The following RALGPS2 variants were observed in gnomAD, a reference collection of about 807,000 sequenced individuals.
The protein encoded by RALGPS2 is Ral GEF with PH domain and SH3 binding motif 2.
Under a neutral mutation model 86.8 loss-of-function variants are expected in RALGPS2, and 43 were observed. The observed-to-expected ratio is 0.50, with a 90% CI of 0.39 to 0.64. The LOEUF (loss-of-function observed/expected upper bound fraction) is 0.64, where lower values mean the gene tolerates loss of function less well. Ranked by LOEUF, RALGPS2 falls within the 30% of genes least tolerant of loss-of-function variation. The probability of loss-of-function intolerance (pLI) is 0.00; values close to 1 mark genes in which losing one functional copy is unlikely to be tolerated. For synonymous variants in RALGPS2, 243 were observed against 231.3 expected, an observed-to-expected ratio of 1.05 and a Z score of -0.46; for missense variants, 536 against 694.6, an observed-to-expected ratio of 0.77 and a Z score of 2.57.
At chr1:178,739,434 C>T (rs534029011) in intron 1 of RALGPS2, among the ~76,000 whole-genome samples, 1 of 152,206 alleles carries the variant, frequency 6.6e-6, no homozygotes, top group African/African-American at 2.4e-5. Flanking sequence ...GAAGAAGAGG[C>T]TCAGTGAGGA....
At position 178,776,796 on chromosome 1, in the gene RALGPS2, T is replaced by A; in HGVS notation, c.32T>A (p.Val11Asp). The A allele has an allele frequency of 6.2e-7, 1 of 1,613,160 alleles. No homozygotes were observed. ...CTAATGAACGGGCAGGCAAGCAGTG[T>A]CAATATTGCAGCTACTGCTTCTGAG... MDLMNGQASS[V>D]NIAATASEKS... The change falls in exon 2 of 20, where the codon GTC (valine) becomes GAC (aspartate). Residue 11 changes from valine (V) to aspartate (D), a missense_variant. By Grantham distance (152) the Val-to-Asp change is radical (BLOSUM62 -3). This residue lies in a region of RALGPS2 where 43 missense variants were observed against 34.9 expected (regional missense o/e 1.23). Transcript: ENST00000367635.
intron 4 of RALGPS2, among the ~76,000 whole-genome samples, chr1:178,806,086 A>G (rs1267048476): frequency 1.3e-5 from 2 of 150,928 alleles, no homozygotes; most frequent in African/African-American, 4.9e-5. Context: ...CCCAATATAT[A>G]TATATTTTTT....
chr1:178,786,432 A>T (rs916460778), intron 4 of RALGPS2, among the ~76,000 whole-genome samples: 5 of 152,140 alleles, frequency 3.3e-5, no homozygotes, highest in Admixed American at 1.3e-4. Flanking sequence ...AGAGGAGAGA[A>T]AGGATCAAGA....
intron 1 of RALGPS2, among the ~76,000 whole-genome samples, chr1:178,746,237 C>T (rs940085526): frequency 1.3e-5 from 2 of 152,158 alleles, no homozygotes; most frequent in Admixed American, 6.5e-5. Flanking sequence ...GAACTCTCAA[C>T]ACCAACAATC....
intron 4 of RALGPS2, among the ~76,000 whole-genome samples, chr1:178,790,306 C>G (rs1653890876): frequency 6.6e-6 from 1 of 151,846 alleles, no homozygotes; most frequent in Admixed American, 6.6e-5. Context: ...TTAAATCTGG[C>G]CAGTATAAAA....
chr1:178,855,561 G>T (rs1343505894), intron 8 of RALGPS2, among the ~76,000 whole-genome samples: 1 of 151,824 alleles, frequency 6.6e-6, no homozygotes, highest in Non-Finnish European at 1.5e-5. Context: ...CTTATTTATG[G>T]TGTCTTTCCT....
intron 8 of RALGPS2, among the ~76,000 whole-genome samples, chr1:178,859,534 G>T (rs1657820657): frequency 2.0e-5 from 3 of 147,822 alleles, no homozygotes; most frequent in Non-Finnish European, 3.0e-5. Flanking sequence ...CTCCCAAGTA[G>T]CTGGGATTAC....
chr1:178,872,328 G>A (rs1168365600), intron 8 of RALGPS2, among the ~76,000 whole-genome samples: 2 of 151,990 alleles, frequency 1.3e-5, no homozygotes, highest in Non-Finnish European at 2.9e-5. Context: ...CAAACACAAG[G>A]GCCTAGAAAG....
At position 178,853,448 on chromosome 1, in the gene RALGPS2, AT is replaced by A. The variant is rs545411847; in HGVS notation, c.607+19905del. Reference sequence around the variant, plus strand: ...GACTTTAAAACCAGAGATGAGAATCATTTTTTTGACAGATGTAGATAATGAA... The same window carrying A: ...GACTTTAAAACCAGAGATGAGAATCATTTTTTGACAGATGTAGATAATGAA... On this transcript the variant is annotated intron_variant, in intron 8 of 19. Transcript: ENST00000367635. The A allele has an allele frequency of 1.7e-3, 1,318 of 765,760 alleles. 18 individuals carry two copies. In the African/African-American group the frequency reaches 0.022, roughly 13 times the overall value. The allele number at this position is 765,760 out of a possible 1,614,324, so 47.4% of individuals were successfully genotyped here.
At chr1:178,908,118 G>C (rs554545370) in intron 19 of RALGPS2, among the ~76,000 whole-genome samples, 1 of 151,998 alleles carries the variant, frequency 6.6e-6, no homozygotes, top group African/African-American at 2.4e-5. Context: ...GCTCAGTGTC[G>C]ATTGTTCCCA....
At chr1:178,767,154 A>G (rs537380002) in intron 1 of RALGPS2, among the ~76,000 whole-genome samples, 34 of 152,242 alleles carry the variant, frequency 2.2e-4, no homozygotes, top group Admixed American at 1.2e-3. Flanking sequence ...GGCTTTGACT[A>G]TTTCCTGAAT....
At position 178,918,279 on chromosome 1, in the gene RALGPS2, C is replaced by T. The variant is rs983851951; in HGVS notation, c.*1920C>T. ...TACTACGTAGACCTTGCACATCTTA[C>T]TTTTGTTTTGCATTTTTAAAAATTT... On this transcript the variant is annotated 3_prime_UTR_variant, in exon 20 of 20. Transcript: ENST00000367635. 3 of 152,082 alleles carry T rather than the reference C, an allele frequency of 2.0e-5. No homozygotes were observed. The highest frequency in any genetic ancestry group is 1.5e-5 in the Non-Finnish European group (1 of 67,976). The allele number at this position is 152,082 out of a possible 1,614,324, so 9.4% of individuals were successfully genotyped here.
In RALGPS2 at chr1:178,774,702, T is replaced by A. The variant is rs57905529; in HGVS notation, c.-83-1980T>A. 8.5e-3 allele frequency among the ~76,000 whole-genome samples: 1,292 copies of A among 152,332 alleles called. 16 individuals carry two copies. Among genetic ancestry groups the A allele is most frequent in the African/African-American group, 0.029 (1,195 of 41,568 alleles). On this transcript the variant is annotated intron_variant, in intron 1 of 19. Transcript: ENST00000367635. ...GGAAATTGTTTTGTAGTTTATTCAT[T>A]TTCACGTTGATTTTCTAAGTAGGTG...
chr1:178,762,655 G>A (rs980332038), intron 1 of RALGPS2, among the ~76,000 whole-genome samples: 1 of 152,126 alleles, frequency 6.6e-6, no homozygotes, highest in African/African-American at 2.4e-5. Flanking sequence ...TAGGTCTTTT[G>A]AGAAGTATCT....
chr1:178,739,006 T>C (rs139177879), intron 1 of RALGPS2, among the ~76,000 whole-genome samples: 9 of 152,372 alleles, frequency 5.9e-5, no homozygotes, highest in Admixed American at 2.0e-4. Flanking sequence ...TTTCTGTTGC[T>C]TTTCTTAAGC....
rs376507694 is a variant in RALGPS2 at position 178,883,504 on chromosome 1, G to A, written c.875G>A (p.Arg292His). 1.5e-5 allele frequency: 25 copies of A among 1,613,436 alleles called. No individual in the cohort carries two copies. In the African/African-American group the frequency reaches 2.0e-4, roughly 13 times the overall value. Residue 292 changes from arginine to histidine, a missense_variant, in exon 11 of 20, where the codon CGT (arginine) becomes CAT (histidine). Physicochemically the swap from Arg to His is conservative, Grantham distance 29 (BLOSUM62 0). Coordinates refer to ENST00000367635, the MANE Select transcript of RALGPS2 (RefSeq NM_152663.5). ...LKIEPGTSTP[R>H]SAASREDLVG... The stretch of plus-strand genomic sequence containing the variant: ...ATAGAACCAGGGACAAGCACCCCAC[G>A]TTCTGCTGCTTCCAGAGAAGATTTA...
At chr1:178,846,627 G>A (rs1451726515) in intron 8 of RALGPS2, among the ~76,000 whole-genome samples, 1 of 152,012 alleles carries the variant, frequency 6.6e-6, no homozygotes. Context: ...CTGGGGGTGG[G>A]GTTGTGTTAA....
intron 1 of RALGPS2, among the ~76,000 whole-genome samples, chr1:178,770,018 C>CTTT (rs35638965): frequency 2.2e-5 from 3 of 134,114 alleles, no homozygotes; most frequent in Non-Finnish European, 4.8e-5. Flanking sequence ...TCGATTGCTT[C>CTTT]TTTTTTTTTT....
At chr1:178,865,598 ATTC>A in intron 8 of RALGPS2, 7 of 1,613,934 alleles carry the variant, frequency 4.3e-6, no homozygotes, top group Non-Finnish European at 5.9e-6. Context: ...TGGCCCTGTT[ATTC>A]TTTGTTCAGG....
Sources: allele counts gnomAD v4.1 joint callset (sites outside exome capture counted in the v4.1 genomes callset), GRCh38; gene constraint gnomAD v4.1.1; regional missense constraint gnomAD v4.1.1; transcripts MANE v1.5; gene names NCBI Gene and HGNC (gene_info 2026-07-23, HGNC 2026-07-21).